The following KCNQ3 variants were observed in gnomAD, a reference collection of about 807,000 sequenced individuals.
KCNQ3 encodes the protein potassium voltage-gated channel subfamily KQT member 3.
A neutral mutation model predicts 92.5 loss-of-function variants in KCNQ3; 30 were observed. The ratio of observed to expected loss-of-function variants is 0.32; its 90% CI spans 0.24 to 0.44. KCNQ3 has a LOEUF of 0.44. Ranked by LOEUF, KCNQ3 falls within the 20% of genes least tolerant of loss-of-function variation. The pLI is 1.00. For missense variants in KCNQ3, 913 were observed against 1,140.3 expected (o/e 0.80, Z 2.87); for synonymous variants, 450 against 468.8 (o/e 0.96, Z 0.52).
At chr8:132,221,407 G>T (rs1453101791) in intron 1 of KCNQ3, among the ~76,000 whole-genome samples, 1 of 152,182 alleles carries the variant, frequency 6.6e-6, no homozygotes, top group Non-Finnish European at 1.5e-5. Flanking sequence ...TTCCACAATG[G>T]TTGAACTAGT....
intron 1 of KCNQ3, among the ~76,000 whole-genome samples, chr8:132,303,265 T>G (rs1300432478): frequency 6.6e-6 from 1 of 152,018 alleles, no homozygotes; most frequent in Non-Finnish European, 1.5e-5. Context: ...TTTGCAAATC[T>G]TTTTCTTTGT....
chr8:132,188,172 G>A (rs112803966), intron 1 of KCNQ3, among the ~76,000 whole-genome samples: 18 of 152,222 alleles, frequency 1.2e-4, no homozygotes, highest in African/African-American at 2.9e-4. Flanking sequence ...GGCAGATCCC[G>A]GTCATCTCAT....
Position 132,140,071 on chromosome 8 carries a change from A to G in KCNQ3, c.1568+5T>C. 6.3e-7 allele frequency: 1 copy of G among 1,585,400 alleles called. No homozygotes were observed. Among genetic ancestry groups the G allele is most frequent in the Non-Finnish European group, 8.6e-7 (1 of 1,165,078 alleles). On this transcript the variant is annotated splice_donor_5th_base_variant and intron_variant, in intron 11 of 14. Transcript: ENST00000388996. ...CAGGCACAGGTGGGACCGTGGGGGCATTACCTGACGGCTCGGATGGCGGCC... is the reference window on the plus strand; with the variant it reads ...CAGGCACAGGTGGGACCGTGGGGGCGTTACCTGACGGCTCGGATGGCGGCC...
chr8:132,152,971 G>A lies in KCNQ3; in HGVS notation c.1262+10497C>T, dbSNP rs370589439. ...TTTGCAAACAACTCTATCCCATCAT[G>A]ATTTTTTTAAACAAAAATGAGTATT... On this transcript the variant is annotated intron_variant, in intron 9 of 14. Transcript: ENST00000388996. Among the ~76,000 whole-genome samples the A allele has an allele frequency of 2.0e-5, 3 of 152,164 alleles. No homozygotes were observed. The East Asian group carries it at 5.8e-4, about 29-fold the overall frequency.
At chr8:132,425,007 G>C (rs989849787) in intron 1 of KCNQ3, among the ~76,000 whole-genome samples, 1 of 152,180 alleles carries the variant, frequency 6.6e-6, no homozygotes, top group Non-Finnish European at 1.5e-5. Context: ...GTTTTGGTTG[G>C]TCATCAGTCA....
intron 1 of KCNQ3, among the ~76,000 whole-genome samples, chr8:132,268,009 G>T (rs1358018767): frequency 1.3e-5 from 2 of 152,122 alleles, no homozygotes; most frequent in Non-Finnish European, 2.9e-5. Context: ...TTTGGCAAAT[G>T]CATAATGACA....
intron 1 of KCNQ3, among the ~76,000 whole-genome samples, chr8:132,214,695 G>A (rs558558169): frequency 6.6e-6 from 1 of 152,334 alleles, no homozygotes; most frequent in Admixed American, 6.5e-5. Flanking sequence ...TTGCCACATG[G>A]CAAAACATGT....
intron 1 of KCNQ3, among the ~76,000 whole-genome samples, chr8:132,248,106 T>C (rs1815247658): frequency 6.6e-6 from 1 of 152,156 alleles, no homozygotes. Flanking sequence ...TAACTGCCAT[T>C]AACATTACAA....
chr8:132,409,218 C>T (rs938767730), intron 1 of KCNQ3, among the ~76,000 whole-genome samples: 6 of 152,110 alleles, frequency 3.9e-5, no homozygotes, highest in Non-Finnish European at 7.4e-5. Context: ...AATTTGCCTT[C>T]GGAAAGTTTT....
At chr8:132,357,614 C>T (rs922338583) in intron 1 of KCNQ3, among the ~76,000 whole-genome samples, 1 of 152,196 alleles carries the variant, frequency 6.6e-6, no homozygotes. Context: ...GAGACATGGG[C>T]ACCACAGGCA....
At chr8:132,172,761 A>C in intron 6 of KCNQ3, 68 bp from the exon 7 acceptor site, 5 of 1,131,764 alleles carry the variant, frequency 4.4e-6, no homozygotes, top group African/African-American at 1.5e-5. Flanking sequence ...CTCCATTGCC[A>C]GGGTAATGGG....
intron 1 of KCNQ3, among the ~76,000 whole-genome samples, chr8:132,238,614 C>G (rs907338020): frequency 6.6e-6 from 1 of 152,198 alleles, no homozygotes; most frequent in Admixed American, 6.5e-5. Context: ...TCTCATTCTT[C>G]TCTCATTTCT....
intron 1 of KCNQ3, among the ~76,000 whole-genome samples, chr8:132,457,442 C>A (rs1158902325): frequency 1.3e-5 from 2 of 152,174 alleles, no homozygotes; most frequent in African/African-American, 2.4e-5. Flanking sequence ...CTACCCCAAC[C>A]CTCCCACTTC....
At chr8:132,421,767 C>T (rs1443206850) in intron 1 of KCNQ3, among the ~76,000 whole-genome samples, 5 of 152,180 alleles carry the variant, frequency 3.3e-5, no homozygotes, top group African/African-American at 1.2e-4. Context: ...TAGATGAACC[C>T]TCCACCTGGA....
intron 1 of KCNQ3, among the ~76,000 whole-genome samples, chr8:132,311,790 G>A (rs568080027): frequency 6.6e-6 from 1 of 152,244 alleles, no homozygotes; most frequent in South Asian, 2.1e-4. Flanking sequence ...ACCAGGCAGA[G>A]AGGTGCTGAG....
intron 1 of KCNQ3, among the ~76,000 whole-genome samples, chr8:132,197,705 T>C (rs1827339096): frequency 6.6e-6 from 1 of 152,256 alleles, no homozygotes; most frequent in Non-Finnish European, 1.5e-5. Context: ...GCGTGTATTC[T>C]ATGTATCAGG....
At chr8:132,146,072 C>G (rs1825438667) in intron 9 of KCNQ3, among the ~76,000 whole-genome samples, 1 of 152,220 alleles carries the variant, frequency 6.6e-6, no homozygotes, top group African/African-American at 2.4e-5. Context: ...AAATGAAATA[C>G]TATTTAAACA....
intron 1 of KCNQ3, among the ~76,000 whole-genome samples, chr8:132,279,366 T>A (rs1161373611): frequency 1.3e-5 from 2 of 152,202 alleles, no homozygotes; most frequent in East Asian, 3.8e-4. Flanking sequence ...GACCAGAGGA[T>A]CAACATTATG....
chr8:132,401,965 C>T (rs1341346625), intron 1 of KCNQ3, among the ~76,000 whole-genome samples: 1 of 100,688 alleles, frequency 9.9e-6, no homozygotes, highest in African/African-American at 2.8e-5. Flanking sequence ...AGGGCTGGTG[C>T]AGTCGGGCAG....
Sources: allele counts gnomAD v4.1 joint callset (sites outside exome capture counted in the v4.1 genomes callset), GRCh38; gene constraint gnomAD v4.1.1; transcripts MANE v1.5; gene names NCBI Gene and HGNC (gene_info 2026-07-23, HGNC 2026-07-21).